Variants in THSD7A observed in about 807,000 individuals in gnomAD.
THSD7A encodes the protein thrombospondin type 1 domain containing 7A.
THSD7A carries 96 observed loss-of-function variants against 231.3 expected under a neutral mutation model. That is an observed-to-expected ratio of 0.41 (90% CI 0.35 to 0.49). The LOEUF is 0.49. THSD7A is among the 20% of genes least tolerant of loss of function. The pLI is 0.05. For synonymous variants in THSD7A, 940 were observed against 743.3 expected, an observed-to-expected ratio of 1.26 and a Z score of -4.30; for missense variants, 2,290 against 2,070.2, an observed-to-expected ratio of 1.11 and a Z score of -2.06.
At chr7:11,478,620 CAAAAGGAAAA>C (rs1197982995) in intron 7 of THSD7A, among the ~76,000 whole-genome samples, 1 of 151,732 alleles carries the variant, frequency 6.6e-6, no homozygotes, top group African/African-American at 2.4e-5. Flanking sequence ...AAAGGAAAAG[CAAAAGGAAAA>C]GAAAGAAAAG....
chr7:11,460,801 G>A, intron 10 of THSD7A, 36 bp from the exon 11 acceptor site: 1 of 1,558,376 alleles, frequency 6.4e-7, no homozygotes, highest in Non-Finnish European at 8.8e-7. Flanking sequence ...TGGGGAAGAA[G>A]CAAAAATGCC....
chr7:11,620,704 A>G (rs981524621), intron 2 of THSD7A, among the ~76,000 whole-genome samples: 32 of 152,348 alleles, frequency 2.1e-4, no homozygotes, highest in African/African-American at 7.0e-4. Flanking sequence ...AAAATCCTAC[A>G]CATGAATGAT....
chr7:11,524,187 G>C (rs982121671), intron 6 of THSD7A, among the ~76,000 whole-genome samples: 4 of 152,186 alleles, frequency 2.6e-5, no homozygotes, highest in East Asian at 1.9e-4. Context: ...CTGGCTCTGT[G>C]GTGGTACTCA....
chr7:11,707,733 A>G (rs1438947922), intron 1 of THSD7A, among the ~76,000 whole-genome samples: 1 of 150,674 alleles, frequency 6.6e-6, no homozygotes, highest in African/African-American at 2.4e-5. Context: ...TGTGCAGTAC[A>G]CTCTCGTTTC....
chr7:11,544,044 A>T lies in THSD7A; in HGVS notation c.1454-927T>A, dbSNP rs556545556. Among the ~76,000 whole-genome samples the T allele has an allele frequency of 5.4e-4, 82 of 152,050 alleles. 1 individual carries two copies. The highest frequency in any genetic ancestry group is 3.5e-3 in the East Asian group (18 of 5,164). ...TGATGCCATATTTGCTTTTGTTTTA[A>T]AAAAAAATCTAATACATGGCCAGGC... On this transcript the variant is annotated intron_variant, in intron 4 of 27. Transcript: ENST00000423059.
intron 19 of THSD7A, among the ~76,000 whole-genome samples, chr7:11,408,838 T>C (rs978153050): frequency 6.6e-6 from 1 of 152,162 alleles, no homozygotes; most frequent in Non-Finnish European, 1.5e-5. Flanking sequence ...GTATGAAAAC[T>C]TTTACCATAT....
chr7:11,482,689 G>A (rs959309406), intron 6 of THSD7A, among the ~76,000 whole-genome samples: 1 of 152,168 alleles, frequency 6.6e-6, no homozygotes, highest in Non-Finnish European at 1.5e-5. Context: ...ATAAAGGGCA[G>A]ATTTTTCAAG....
At position 11,370,990 on chromosome 7, in the gene THSD7A, A is replaced by G. The variant is rs1240955782; in HGVS notation, c.*4804T>C. The G allele has an allele frequency of 6.6e-6, 1 of 152,162 alleles. No homozygotes were observed. Among genetic ancestry groups the G allele is most frequent in the African/African-American group, 2.4e-5 (1 of 41,446 alleles). The allele number at this position is 152,162 out of a possible 1,614,324, so 9.4% of individuals were successfully genotyped here. ...AGAAACTATGGCTTAAAAACAATAAATCTACAAAACACAACAAGACTGACA... is the reference window on the plus strand; with the variant it reads ...AGAAACTATGGCTTAAAAACAATAAGTCTACAAAACACAACAAGACTGACA... On this transcript the variant is annotated 3_prime_UTR_variant, in exon 28 of 28. Coordinates refer to ENST00000423059, the MANE Select transcript of THSD7A (RefSeq NM_015204.3).
At chr7:11,787,581 T>G (rs1185114253) in intron 1 of THSD7A, among the ~76,000 whole-genome samples, 1 of 151,874 alleles carries the variant, frequency 6.6e-6, no homozygotes, top group Admixed American at 6.6e-5. Flanking sequence ...ACAACAATAT[T>G]AGAAATAGGC....
At chr7:11,761,335 C>A (rs1163688689) in intron 1 of THSD7A, among the ~76,000 whole-genome samples, 1 of 152,074 alleles carries the variant, frequency 6.6e-6, no homozygotes, top group Non-Finnish European at 1.5e-5. Context: ...CATATCATGT[C>A]ATCCACCACC....
At position 11,821,487 on chromosome 7, in the gene THSD7A, G is replaced by T. The variant is rs1403644819; in HGVS notation, c.190+10270C>A. On this transcript the variant is annotated intron_variant, in intron 1 of 27. Transcript: ENST00000423059. ...ACTTGGATTCTTAAAAGAGAAAACAGAACATGTAAATAAACTTTGAAGTGT... is the reference window on the plus strand; with the variant it reads ...ACTTGGATTCTTAAAAGAGAAAACATAACATGTAAATAAACTTTGAAGTGT... Among the ~76,000 whole-genome samples the T allele has an allele frequency of 2.0e-5, 3 of 151,314 alleles. No individual in the cohort carries two copies. In the East Asian group the frequency reaches 5.8e-4, roughly 29 times the overall value.
At chr7:11,520,644 C>T (rs1199650228) in intron 6 of THSD7A, among the ~76,000 whole-genome samples, 1 of 152,046 alleles carries the variant, frequency 6.6e-6, no homozygotes, top group African/African-American at 2.4e-5. Context: ...AACAGGCTTG[C>T]TGAATATTAA....
intron 13 of THSD7A, among the ~76,000 whole-genome samples, chr7:11,434,368 A>G (rs1035064536): frequency 3.3e-5 from 5 of 151,044 alleles, no homozygotes; most frequent in Admixed American, 1.3e-4. Context: ...TCAGGTTGAA[A>G]TAAATACAAA....
At chr7:11,700,723 T>C (rs1356566655) in intron 1 of THSD7A, among the ~76,000 whole-genome samples, 2 of 151,298 alleles carry the variant, frequency 1.3e-5, no homozygotes, top group East Asian at 3.9e-4. Context: ...TATGTCAGGA[T>C]TGTTGAGTTC....
At chr7:11,811,629 C>CTGTAAT in intron 1 of THSD7A, among the ~76,000 whole-genome samples, 1 of 152,092 alleles carries the variant, frequency 6.6e-6, no homozygotes, top group African/African-American at 2.4e-5. Flanking sequence ...TTTCCAAAGC[C>CTGTAAT]TATTTACTGT....
intron 1 of THSD7A, among the ~76,000 whole-genome samples, chr7:11,793,449 A>G (rs905460263): frequency 1.3e-5 from 2 of 152,042 alleles, no homozygotes; most frequent in African/African-American, 4.8e-5. Flanking sequence ...GACCTTAAAA[A>G]TAAATAAGCA....
In THSD7A at chr7:11,571,086, T is replaced by G. The variant is rs1010363795; in HGVS notation, c.1453+19374A>C. On this transcript the variant is annotated intron_variant, in intron 4 of 27. Coordinates refer to ENST00000423059, the MANE Select transcript of THSD7A (RefSeq NM_015204.3). ...ATGGTTTTCAATGGGCTCAGCTGCA[T>G]TTTAGTTGGGAGGACACATCAGTTG... Among the ~76,000 whole-genome samples the G allele has an allele frequency of 5.3e-5, 8 of 152,268 alleles. 2 individuals are homozygous for G. The highest frequency in any genetic ancestry group is 4.2e-4 in the South Asian group (2 of 4,814).
At chr7:11,437,941 A>C (rs1385846137) in intron 13 of THSD7A, among the ~76,000 whole-genome samples, 1 of 152,052 alleles carries the variant, frequency 6.6e-6, no homozygotes, top group Non-Finnish European at 1.5e-5. Flanking sequence ...ACTTAAAAGC[A>C]CAAACTCTTA....
intron 2 of THSD7A, among the ~76,000 whole-genome samples, chr7:11,626,179 TA>T (rs767984619): frequency 1.2e-4 from 18 of 152,122 alleles, no homozygotes; most frequent in Admixed American, 2.0e-4. Flanking sequence ...TTTCCTCACT[TA>T]AAACAAAAAT....
Sources: allele counts gnomAD v4.1 joint callset (sites outside exome capture counted in the v4.1 genomes callset), GRCh38; gene constraint gnomAD v4.1.1; transcripts MANE v1.5; gene names NCBI Gene and HGNC (gene_info 2026-07-23, HGNC 2026-07-21).